The following KCNJ15 variants were observed in gnomAD, a reference collection of about 807,000 sequenced individuals.
KCNJ15 encodes potassium inwardly rectifying channel subfamily J member 15.
In KCNJ15, 14 loss-of-function variants were observed where a neutral mutation model predicts 23.0. The ratio of observed to expected loss-of-function variants is 0.61; its 90% CI spans 0.40 to 0.95. KCNJ15 has a LOEUF of 0.95. KCNJ15 is among the 40% of genes least tolerant of loss of function. KCNJ15 has a pLI of 0.00. For missense variants in KCNJ15, 388 were observed against 461.8 expected, an observed-to-expected ratio of 0.84 and a Z score of 1.46; for synonymous variants, 185 against 183.2, an observed-to-expected ratio of 1.01 and a Z score of -0.08.
At chr21:38,280,607 C>T (rs1198757968) in intron 1 of KCNJ15, among the ~76,000 whole-genome samples, 1 of 152,266 alleles carries the variant, frequency 6.6e-6, no homozygotes, top group South Asian at 2.1e-4. Context: ...TGGTTTCCAG[C>T]TATGTTTCCC....
chr21:38,292,968 C>CAA (rs540116040), intron 1 of KCNJ15, among the ~76,000 whole-genome samples: 1,058 of 82,940 alleles, frequency 0.013, 19 homozygotes, highest in African/African-American at 0.033. Context: ...GATGCTGTCT[C>CAA]AAAAAAAAAA....
chr21:38,268,888 C>A (rs1027992245), intron 1 of KCNJ15: 1 of 152,302 alleles, frequency 6.6e-6, no homozygotes, highest in Non-Finnish European at 1.5e-5. Context: ...CTTCCTTCTT[C>A]CCCAGGACCA....
intron 1 of KCNJ15, among the ~76,000 whole-genome samples, chr21:38,231,809 A>G (rs1420180813): frequency 6.6e-6 from 1 of 151,884 alleles, no homozygotes; most frequent in African/African-American, 2.4e-5. Context: ...TTTCTGAGAT[A>G]TATCCCACTT....
chr21:38,260,885 G>A (rs1207892687), intron 1 of KCNJ15, among the ~76,000 whole-genome samples: 1 of 152,120 alleles, frequency 6.6e-6, no homozygotes, highest in Non-Finnish European at 1.5e-5. Context: ...GCAGGGATCC[G>A]CATAGAACCA....
At chr21:38,280,430 T>C (rs1983196173) in intron 1 of KCNJ15, among the ~76,000 whole-genome samples, 1 of 152,112 alleles carries the variant, frequency 6.6e-6, no homozygotes, top group Non-Finnish European at 1.5e-5. Context: ...TTCGCTTTCT[T>C]TGGGAAAACA....
At chr21:38,259,292 G>A (rs1205684473) in intron 1 of KCNJ15, among the ~76,000 whole-genome samples, 1 of 152,134 alleles carries the variant, frequency 6.6e-6, no homozygotes, top group Non-Finnish European at 1.5e-5. Context: ...GGATGCGTCA[G>A]AGTCTTAGAG....
At chr21:38,289,888 G>A (rs560223556) in intron 1 of KCNJ15, among the ~76,000 whole-genome samples, 60 of 152,314 alleles carry the variant, frequency 3.9e-4, no homozygotes, top group Admixed American at 7.8e-4. Context: ...GTGATTAGAG[G>A]GAGAATATGC....
intron 1 of KCNJ15, among the ~76,000 whole-genome samples, chr21:38,236,818 C>A (rs773352320): frequency 6.6e-6 from 1 of 152,198 alleles, no homozygotes; most frequent in Non-Finnish European, 1.5e-5. Context: ...AGGAAAAATA[C>A]TGATTTCTGC....
At position 38,301,379 on chromosome 21, in the gene KCNJ15, A is replaced by G. The variant is rs1453027750; in HGVS notation, c.*990A>G. On this transcript the variant is annotated 3_prime_UTR_variant, in exon 3 of 3. Transcript: ENST00000398938. ...CTCTTCATTTCATTATTATTGGCCA[A>G]TATTTCTTTCAGCCATTTCATTTCT... is the stretch of plus-strand genomic sequence containing the variant. The G allele has an allele frequency of 1.2e-5, 2 of 167,094 alleles. No homozygotes were observed. Among genetic ancestry groups the G allele is most frequent in the Admixed American group, 6.5e-5 (1 of 15,284 alleles). The allele number at this position is 167,094 out of a possible 1,614,324, so 10.4% of individuals were successfully genotyped here.
chr21:38,245,570 AAAG>A (rs1484264106), intron 1 of KCNJ15, among the ~76,000 whole-genome samples: 2 of 145,922 alleles, frequency 1.4e-5, no homozygotes, highest in African/African-American at 5.6e-5. Flanking sequence ...CAAAGAAAGA[AAAG>A]AAAGAAAGAA....
At chr21:38,259,474 AC>A (rs1980657909) in intron 1 of KCNJ15, among the ~76,000 whole-genome samples, 1 of 152,192 alleles carries the variant, frequency 6.6e-6, no homozygotes, top group Non-Finnish European at 1.5e-5. Flanking sequence ...CAAGCATTGC[AC>A]CCCGGATTAA....
chr21:38,282,559 A>G (rs9305642), intron 1 of KCNJ15, among the ~76,000 whole-genome samples: 118,817 of 152,076 alleles, frequency 0.78, 46,646 homozygotes, highest in African/African-American at 0.84. Flanking sequence ...AATCAGTGAA[A>G]TATTCTTCAC....
At chr21:38,260,119 T>C (rs970591911) in intron 1 of KCNJ15, among the ~76,000 whole-genome samples, 3 of 152,208 alleles carry the variant, frequency 2.0e-5, no homozygotes, top group Admixed American at 6.5e-5. Flanking sequence ...TTTCTCTCCC[T>C]CTATGCCCGT....
chr21:38,298,062 T>C (rs1049995517), intron 2 of KCNJ15: 1 of 152,204 alleles, frequency 6.6e-6, no homozygotes, highest in Non-Finnish European at 1.5e-5. Flanking sequence ...ATTTTTTTAG[T>C]TCCTAAAATA....
chr21:38,280,224 CAT>C (rs1483162307), intron 1 of KCNJ15, among the ~76,000 whole-genome samples: 2 of 152,144 alleles, frequency 1.3e-5, no homozygotes, highest in Non-Finnish European at 2.9e-5. Flanking sequence ...GTATAGAAGA[CAT>C]AAATATTTGA....
At chr21:38,288,690 A>C (rs1403406731) in intron 1 of KCNJ15, among the ~76,000 whole-genome samples, 1 of 152,196 alleles carries the variant, frequency 6.6e-6, no homozygotes, top group East Asian at 1.9e-4. Context: ...GGCAGACTCA[A>C]CATCTTAGTG....
At chr21:38,262,338 C>A (rs1035894167) in intron 1 of KCNJ15, among the ~76,000 whole-genome samples, 1 of 152,128 alleles carries the variant, frequency 6.6e-6, no homozygotes, top group African/African-American at 2.4e-5. Flanking sequence ...AAATAAGAAA[C>A]CTGCCCTGTC....
intron 1 of KCNJ15, among the ~76,000 whole-genome samples, chr21:38,243,179 T>A (rs1054704470): frequency 1.3e-5 from 2 of 152,170 alleles, no homozygotes; most frequent in Non-Finnish European, 2.9e-5. Flanking sequence ...TCTTCTTTTC[T>A]GATTTTTTTT....
intron 1 of KCNJ15, among the ~76,000 whole-genome samples, chr21:38,233,109 C>T (rs1331592680): frequency 6.6e-6 from 1 of 151,854 alleles, no homozygotes; most frequent in Non-Finnish European, 1.5e-5. Context: ...TAAGTTTTTG[C>T]TTTATGTATT....
Sources: gnomAD v4.1 joint callset for allele counts (sites outside exome capture counted in the v4.1 genomes callset) on GRCh38, gnomAD v4.1.1 for gene constraint, MANE v1.5 for transcripts, NCBI Gene and HGNC (gene_info 2026-07-23, HGNC 2026-07-21) for gene names.